The following MAP3K5 variants were observed in gnomAD, a reference collection of about 807,000 sequenced individuals.
The protein encoded by MAP3K5 is ASK-1.
In MAP3K5, 56 loss-of-function variants were observed where a neutral mutation model predicts 158.7. That is an observed-to-expected ratio of 0.35 (90% CI 0.28 to 0.44). The LOEUF (loss-of-function observed/expected upper bound fraction) is 0.44, where lower values mean the gene tolerates loss of function less well. Ranked by LOEUF, MAP3K5 falls within the 20% of genes least tolerant of loss-of-function variation. MAP3K5 has a pLI of 1.00. For missense variants in MAP3K5, 1,294 were observed against 1,674.8 expected (o/e 0.77, Z 3.97); for synonymous variants, 579 against 601.7 (o/e 0.96, Z 0.55).
chr6:136,665,968 G>A (rs1327005446), intron 8 of MAP3K5, among the ~76,000 whole-genome samples: 1 of 151,830 alleles, frequency 6.6e-6, no homozygotes, highest in Non-Finnish European at 1.5e-5. Flanking sequence ...CATTACTGTT[G>A]GAGACTCAAA....
At chr6:136,704,130 T>C (rs1780968880) in intron 3 of MAP3K5, among the ~76,000 whole-genome samples, 1 of 151,896 alleles carries the variant, frequency 6.6e-6, no homozygotes, top group Non-Finnish European at 1.5e-5. Context: ...TTCTGTAGTG[T>C]GGTCTCAGAG....
In MAP3K5 at chr6:136,705,138, AAAAC is replaced by A. The variant is rs768051240; in HGVS notation, c.589-9_589-6del. 2 of 1,172,380 alleles carry A rather than the reference AAAAC, an allele frequency of 1.7e-6. No individual in the cohort carries two copies. Among genetic ancestry groups the A allele is most frequent in the Non-Finnish European group, 2.4e-6 (2 of 826,806 alleles). 72.6% of individuals were successfully genotyped at this position (1,172,380 alleles called of 1,614,324 possible). On this transcript the variant is annotated splice_polypyrimidine_tract_variant and splice_region_variant and intron_variant, in intron 2 of 29. Transcript: ENST00000359015. ...ATTCTTCTGGCAAATTATTTCCTGAAAAACAAGAAAAAAAATATACCACAAGTTA... is the reference window on the plus strand; with the variant it reads ...ATTCTTCTGGCAAATTATTTCCTGAAAAGAAAAAAAATATACCACAAGTTA...
At chr6:136,788,806 T>C (rs567555398) in intron 1 of MAP3K5, among the ~76,000 whole-genome samples, 5 of 152,318 alleles carry the variant, frequency 3.3e-5, no homozygotes, top group Admixed American at 6.5e-5. Flanking sequence ...TTGGTGAGAA[T>C]GTAAATTTGT....
At chr6:136,780,440 T>C (rs1784569962) in intron 1 of MAP3K5, among the ~76,000 whole-genome samples, 1 of 152,226 alleles carries the variant, frequency 6.6e-6, no homozygotes, top group South Asian at 2.1e-4. Flanking sequence ...CTCTTCGAAC[T>C]CTCCTTTCAA....
intron 1 of MAP3K5, among the ~76,000 whole-genome samples, chr6:136,786,466 T>G (rs1784848929): frequency 6.6e-6 from 1 of 151,962 alleles, no homozygotes; most frequent in Non-Finnish European, 1.5e-5. Flanking sequence ...TATTGACATC[T>G]CTTAGCTTTT....
chr6:136,693,727 C>G (rs921805034), intron 7 of MAP3K5, among the ~76,000 whole-genome samples: 3 of 152,146 alleles, frequency 2.0e-5, no homozygotes, highest in Non-Finnish European at 2.9e-5. Context: ...CGGTGGCTCA[C>G]GCCTGTAATC....
chr6:136,746,673 T>C (rs1263579885), intron 1 of MAP3K5, among the ~76,000 whole-genome samples: 2 of 152,150 alleles, frequency 1.3e-5, no homozygotes, highest in Non-Finnish European at 2.9e-5. Context: ...AATTTGAGTA[T>C]GCATAACAAT....
At chr6:136,791,185 CTAAAACT>C (rs1346156239) in intron 1 of MAP3K5, among the ~76,000 whole-genome samples, 1 of 152,138 alleles carries the variant, frequency 6.6e-6, no homozygotes, top group East Asian at 1.9e-4. Flanking sequence ...ATTCAAGCTA[CTAAAACT>C]TATCGAAGGT....
intron 14 of MAP3K5, among the ~76,000 whole-genome samples, chr6:136,628,408 A>G (rs764707681): frequency 6.6e-6 from 1 of 150,698 alleles, no homozygotes. Flanking sequence ...CATCATACTC[A>G]GCAGTTTTTT....
chr6:136,567,555 T>C (rs2129069973), intron 26 of MAP3K5, 76 bp downstream of exon 26: 1 of 1,444,152 alleles, frequency 6.9e-7, no homozygotes, highest in African/African-American at 1.4e-5. Flanking sequence ...GGGAATCATA[T>C]TCTGTAGACC....
In MAP3K5 at chr6:136,659,349, T is replaced by C; in HGVS notation, c.1396A>G (p.Lys466Glu). ...CTCTGGAGTTTTTCCAAGTTTCCCT[T>C]TTTACCAAGAAGACTACTTAGCTTC... is the stretch of plus-strand genomic sequence containing the variant. Reference protein sequence around the residue: ...GVKLSSLLGKKGNLEKLQSYW... With the variant: ...GVKLSSLLGKEGNLEKLQSYW... The change falls in exon 9 of 30, where the codon AAG (lysine) becomes GAG (glutamate). Residue 466 changes from lysine (K) to glutamate (E), a missense_variant. This residue lies in a region of MAP3K5 where 690 missense variants were observed against 870.5 expected (regional missense o/e 0.79). Transcript: ENST00000359015. The C allele has an allele frequency of 6.2e-7, 1 of 1,614,104 alleles. No homozygotes were observed. The highest frequency in any genetic ancestry group is 8.5e-7 in the Non-Finnish European group (1 of 1,180,020).
In MAP3K5 at chr6:136,572,264, A is replaced by AT. The variant is rs544432589; in HGVS notation, c.3518-4391dup. ...AATTTATTTCATGATTTCTAAACTGATTTTTTTTTTTAAGACGGGGTTTTG... is the reference window on the plus strand; with the variant it reads ...AATTTATTTCATGATTTCTAAACTGATTTTTTTTTTTTAAGACGGGGTTTTG... On this transcript the variant is annotated intron_variant, in intron 25 of 29. Transcript: ENST00000359015. 1.8e-3 allele frequency among the ~76,000 whole-genome samples: 275 copies of AT among 149,066 alleles called. 5 individuals carry two copies. The highest frequency in any genetic ancestry group is 0.017 in the South Asian group (81 of 4,734).
At chr6:136,704,291 A>G (rs955877111) in intron 3 of MAP3K5, among the ~76,000 whole-genome samples, 1 of 152,170 alleles carries the variant, frequency 6.6e-6, no homozygotes, top group Non-Finnish European at 1.5e-5. Context: ...CCTATACCTT[A>G]TCATGATTAC....
In MAP3K5 at chr6:136,557,646, C is replaced by A; in HGVS notation, c.*112G>T. On this transcript the variant is annotated 3_prime_UTR_variant, in exon 30 of 30. Coordinates refer to ENST00000359015, the MANE Select transcript of MAP3K5 (RefSeq NM_005923.4). ...TTTTTTTAACATGAGTAAACAAATA[C>A]TGGATTTAAAGTGCAGCGCCTTTCT... 12 of 579,242 alleles carry A rather than the reference C, an allele frequency of 2.1e-5. No homozygotes were observed. The highest frequency in any genetic ancestry group is 3.3e-5 in the East Asian group (1 of 30,384). The allele number at this position is 579,242 out of a possible 1,614,324, so 35.9% of individuals were successfully genotyped here.
chr6:136,741,810 G>C (rs1332763585), intron 1 of MAP3K5, among the ~76,000 whole-genome samples: 2 of 152,088 alleles, frequency 1.3e-5, no homozygotes, highest in Non-Finnish European at 2.9e-5. Flanking sequence ...CAGGATTCAA[G>C]ATTAATATGC....
chr6:136,754,560 G>C (rs1206506946), intron 1 of MAP3K5, among the ~76,000 whole-genome samples: 1 of 150,250 alleles, frequency 6.7e-6, no homozygotes, highest in Non-Finnish European at 1.5e-5. Context: ...CTCCAGCCTG[G>C]GCAACAGAGA....
rs147157223 is a variant in MAP3K5, at chr6:136,766,677, A to G, written c.448+25033T>C. ...AAGGTAACATTTCAGAGAAGGTTTC[A>G]TATCAGATCAACATAAAACCAATTT... On this transcript the variant is annotated intron_variant, in intron 1 of 29. Coordinates refer to ENST00000359015, the MANE Select transcript of MAP3K5 (RefSeq NM_005923.4). Among the ~76,000 whole-genome samples the G allele has an allele frequency of 4.6e-5, 7 of 152,352 alleles. No homozygotes were observed. In the South Asian group the frequency reaches 1.0e-3, roughly 23 times the overall value.
chr6:136,635,635 C>A (rs947618080), intron 14 of MAP3K5, among the ~76,000 whole-genome samples: 4 of 150,460 alleles, frequency 2.7e-5, no homozygotes, highest in Non-Finnish European at 5.9e-5. Flanking sequence ...TCCCTATAAT[C>A]CCAGCACTTT....
At chr6:136,735,815 C>A (rs1431231098) in intron 1 of MAP3K5, among the ~76,000 whole-genome samples, 1 of 151,986 alleles carries the variant, frequency 6.6e-6, no homozygotes, top group African/African-American at 2.4e-5. Flanking sequence ...GGTGACAGAG[C>A]ACGAACCTAT....
Sources: gnomAD v4.1 joint callset for allele counts (sites outside exome capture counted in the v4.1 genomes callset) on GRCh38, gnomAD v4.1.1 for gene constraint, gnomAD v4.1.1 regional missense constraint, MANE v1.5 for transcripts, NCBI Gene and HGNC (gene_info 2026-07-23, HGNC 2026-07-21) for gene names.